DCX: variants seen among roughly 807,000 people sequenced by gnomAD.
DCX encodes doublecortin.
DCX carries 4 observed loss-of-function variants against 20.9 expected under a neutral mutation model. That is an observed-to-expected ratio of 0.19 (90% CI 0.09 to 0.44). The LOEUF (loss-of-function observed/expected upper bound fraction) is 0.44, where lower values mean the gene tolerates loss of function less well. Among genes scored for constraint, DCX ranks in the 20% least tolerant of loss-of-function variants. The probability of loss-of-function intolerance (pLI) is 0.99; values close to 1 mark genes in which losing one functional copy is unlikely to be tolerated. For synonymous variants in DCX, 103 were observed against 111.4 expected (o/e 0.92, Z 0.47); for missense variants, 133 against 296.9 (o/e 0.45, Z 4.06).
At chrX:111,313,240 C>A (rs1308214004) in intron 5 of DCX, among the ~76,000 whole-genome samples, 2 of 110,832 alleles carry the variant, frequency 1.8e-5, no homozygotes, top group Non-Finnish European at 3.8e-5. Flanking sequence ...CTCCCCCTCT[C>A]TTTTCCTGCT....
chrX:111,367,077 T>G (rs1158363177), intron 3 of DCX, among the ~76,000 whole-genome samples: 4 of 112,004 alleles, frequency 3.6e-5, no homozygotes, highest in African/African-American at 1.3e-4. Context: ...AATGTAAATT[T>G]CCTGCTCCCC....
rs745920833 is a variant in DCX at position 111,365,698 on chromosome X, A to C, written c.706-32545T>G. ...AATATAGTTATATTAGAACATTTAT[A>C]AACAAGAAAAAAAGAAAACAAAGAT... On this transcript the variant is annotated intron_variant, in intron 3 of 6. Transcript: ENST00000636035. Among the ~76,000 whole-genome samples, 3 of 110,953 alleles carry C rather than the reference A, an allele frequency of 2.7e-5. No homozygotes were observed. In the South Asian group the frequency reaches 1.2e-3, roughly 43 times the overall value.
chrX:111,301,443 G>C lies in DCX; in HGVS notation c.*244C>G, dbSNP rs953302108. 4 of 431,039 alleles carry C rather than the reference G, an allele frequency of 9.3e-6. No homozygotes were observed. In the Admixed American group the frequency reaches 1.5e-4, roughly 17 times the overall value. The allele number at this position is 431,039 out of a possible 1,213,427, so 35.5% of individuals were successfully genotyped here. A position where few individuals can be genotyped will look rare whatever the true frequency, so the allele number is the denominator to read the frequency against. On this transcript the variant is annotated 3_prime_UTR_variant, in exon 7 of 7. Coordinates refer to ENST00000636035, the MANE Select transcript of DCX (RefSeq NM_001195553.2). Reference sequence around the variant, plus strand: ...TGGACTAGCACATTTTGCATCCCTGGAATGCTGCCCCAAAGGATGGTTATC... The same window carrying C: ...TGGACTAGCACATTTTGCATCCCTGCAATGCTGCCCCAAAGGATGGTTATC...
chrX:111,406,938 C>A (rs1389579476), intron 2 of DCX, among the ~76,000 whole-genome samples: 2 of 111,620 alleles, frequency 1.8e-5, no homozygotes, highest in African/African-American at 6.5e-5. Flanking sequence ...TCATGTTATG[C>A]AAATTATACC....
chrX:111,302,398 C>T lies in DCX; in HGVS notation c.1045-655G>A, dbSNP rs940898412. Among the ~76,000 whole-genome samples the T allele has an allele frequency of 2.7e-5, 3 of 111,997 alleles. No homozygotes were observed. In the Admixed American group the frequency reaches 2.8e-4, roughly 11 times the overall value. ...TTTTGGGCTATTGCAAATAAAGCTG[C>T]CATAAACGCTCCTGTACTGTACAAG... On this transcript the variant is annotated intron_variant, in intron 6 of 6. Coordinates refer to ENST00000636035, the MANE Select transcript of DCX (RefSeq NM_001195553.2).
chrX:111,365,455 C>T (rs963765677), intron 3 of DCX, among the ~76,000 whole-genome samples: 4 of 109,741 alleles, frequency 3.6e-5, no homozygotes, highest in African/African-American at 9.9e-5. Flanking sequence ...ATGGGGTATC[C>T]GTCCTCTCAA....
chrX:111,362,967 G>T (rs1212493530), intron 3 of DCX, among the ~76,000 whole-genome samples: 1 of 112,093 alleles, frequency 8.9e-6, no homozygotes, highest in Non-Finnish European at 1.9e-5. Context: ...TTCTCATGTT[G>T]TTTACAGGCT....
chrX:111,342,315 C>T (rs1159177944), intron 3 of DCX, among the ~76,000 whole-genome samples: 1 of 60,643 alleles, frequency 1.6e-5, no homozygotes, highest in African/African-American at 5.4e-5. Flanking sequence ...GTAAAGGGAA[C>T]AATTCAACAA....
intron 2 of DCX, among the ~76,000 whole-genome samples, chrX:111,404,686 C>T (rs1011603081): frequency 2.7e-5 from 3 of 111,968 alleles, no homozygotes; most frequent in Non-Finnish European, 5.6e-5. Flanking sequence ...TCTTTTCCTT[C>T]TCAAACAGGC....
intron 2 of DCX, among the ~76,000 whole-genome samples, chrX:111,403,676 G>A (rs751695985): frequency 2.7e-5 from 3 of 112,084 alleles, no homozygotes; most frequent in African/African-American, 9.7e-5. Context: ...TTTCTTCTTT[G>A]CAAAGCAAGG....
At chrX:111,392,354 A>G (rs910926509) in intron 3 of DCX, among the ~76,000 whole-genome samples, 2 of 111,446 alleles carry the variant, frequency 1.8e-5, no homozygotes, top group Non-Finnish European at 3.8e-5. Flanking sequence ...CCAAATGTTT[A>G]TAATAGCATT....
intron 3 of DCX, among the ~76,000 whole-genome samples, chrX:111,338,533 A>G (rs1160709233): frequency 9.0e-6 from 1 of 110,754 alleles, no homozygotes; most frequent in Admixed American, 9.6e-5. Flanking sequence ...AGAGGTTGAC[A>G]CAGAGTTGGC....
chrX:111,410,832 T>G (rs1928650411), intron 1 of DCX: 1 of 1,211,370 alleles, frequency 8.3e-7, no homozygotes, highest in East Asian at 3.0e-5. Context: ...CATGCCCACA[T>G]GACTAACAGT....
chrX:111,400,353 A>T (rs1024962927), intron 3 of DCX, among the ~76,000 whole-genome samples: 3 of 112,224 alleles, frequency 2.7e-5, no homozygotes, highest in Non-Finnish European at 3.8e-5. Context: ...GGGGGAACAG[A>T]TGGCAGCATC....
In DCX at chrX:111,343,752, TGGTCAGATCACCTGA is replaced by T. The variant is rs781495743; in HGVS notation, c.706-10614_706-10600del. Among the ~76,000 whole-genome samples, 163 of 111,464 alleles carry T rather than the reference TGGTCAGATCACCTGA, an allele frequency of 1.5e-3. 1 individual carries two copies. Among genetic ancestry groups the T allele is most frequent in the Admixed American group, 5.1e-3 (54 of 10,540 alleles). On this transcript the variant is annotated intron_variant, in intron 3 of 6. Coordinates refer to ENST00000636035, the MANE Select transcript of DCX (RefSeq NM_001195553.2). ...ATCCCAGCACTTTGGGAGGCTAAGG[TGGTCAGATCACCTGA>T]GGTCAGGAGTTTGAGACCAGCCTGG... is the stretch of plus-strand genomic sequence containing the variant.
chrX:111,385,259 T>A (rs1190119396), intron 3 of DCX, among the ~76,000 whole-genome samples: 2 of 112,429 alleles, frequency 1.8e-5, no homozygotes, highest in Non-Finnish European at 3.8e-5. Context: ...AATAAATATG[T>A]TGGGTTTTCT....
intron 5 of DCX, 118 bp from the exon 6 acceptor site, chrX:111,312,854 G>T: frequency 1.5e-6 from 1 of 672,352 alleles, no homozygotes; most frequent in Non-Finnish European, 2.4e-6. Flanking sequence ...ACAACCAAGT[G>T]ATTTGGTGAG....
At chrX:111,371,045 C>T (rs1409513170) in intron 3 of DCX, among the ~76,000 whole-genome samples, 1 of 112,095 alleles carries the variant, frequency 8.9e-6, no homozygotes, top group South Asian at 3.7e-4. Flanking sequence ...AAATAGGTTA[C>T]TGATATTAGA....
chrX:111,346,573 G>T (rs1202651354), intron 3 of DCX, among the ~76,000 whole-genome samples: 1 of 112,026 alleles, frequency 8.9e-6, no homozygotes, highest in Admixed American at 9.5e-5. Context: ...AGAAGTCATT[G>T]CTTAATGGTA....
Sources: allele counts gnomAD v4.1 joint callset (sites outside exome capture counted in the v4.1 genomes callset), GRCh38; gene constraint gnomAD v4.1.1; transcripts MANE v1.5; gene names NCBI Gene and HGNC (gene_info 2026-07-23, HGNC 2026-07-21).